BFSP1: variants seen among roughly 807,000 people sequenced by gnomAD.
BFSP1 encodes beaded filament structural protein 1.
A neutral mutation model predicts 43.9 loss-of-function variants in BFSP1; 38 were observed. The ratio of observed to expected loss-of-function variants is 0.87; its 90% CI spans 0.67 to 1.14. The LOEUF is 1.14. BFSP1 is among the 50% of genes most tolerant of loss of function. The pLI is 0.00. For synonymous variants in BFSP1, 352 were observed against 354.8 expected, an observed-to-expected ratio of 0.99 and a Z score of 0.09; for missense variants, 850 against 875.1, an observed-to-expected ratio of 0.97 and a Z score of 0.36.
chr20:17,550,053 A>G (rs1485865110), intron 1 of BFSP1, among the ~76,000 whole-genome samples: 2 of 152,166 alleles, frequency 1.3e-5, no homozygotes, highest in Admixed American at 6.5e-5. Context: ...TTTCCAGGCC[A>G]TGAGGTAGTA....
chr20:17,558,590 G>A (rs537634619), intron 1 of BFSP1: 3 of 1,334,280 alleles, frequency 2.2e-6, no homozygotes, highest in East Asian at 5.0e-5. Context: ...CCCGCTTGCT[G>A]TACCTTCTAC....
intron 1 of BFSP1, 34 bp downstream of exon 1, chr20:17,530,919 C>A: frequency 7.3e-7 from 1 of 1,375,014 alleles, no homozygotes; most frequent in Non-Finnish European, 9.4e-7. Flanking sequence ...CGGCCCACGC[C>A]CTGCCTCGGT....
rs1203274689 is a variant in BFSP1, at chr20:17,525,463, C to G, written c.378-555G>C. On this transcript the variant is annotated intron_variant, in intron 1 of 7. Coordinates refer to ENST00000377873, the MANE Select transcript of BFSP1 (RefSeq NM_001195.5). The surrounding 1 kb of genome is among the most constrained non-coding windows in gnomAD (Gnocchi z 4.2). The stretch of plus-strand genomic sequence containing the variant: ...AGGCAGATGCTCCGCACACTTTTCC[C>G]TCCTCCCAGCAGCATCACTCCCCAC... 6.6e-6 allele frequency among the ~76,000 whole-genome samples: 1 copy of G among 152,196 alleles called. No individual in the cohort carries two copies. The highest frequency in any genetic ancestry group is 1.5e-5 in the Non-Finnish European group (1 of 68,050).
Position 17,531,129 on chromosome 20 carries a change from C to G in BFSP1, c.201G>C (p.Gly67=). 1 of 1,332,028 alleles carries G rather than the reference C, an allele frequency of 7.5e-7. No homozygotes were observed. Among genetic ancestry groups the G allele is most frequent in the Non-Finnish European group, 9.6e-7 (1 of 1,044,292 alleles). The allele number at this position is 1,332,028 out of a possible 1,614,324, so 82.5% of individuals were successfully genotyped here. ...GGAAGGCATCCAGCTGCCTCCGGAG[C>G]CCGGCATGGCGCTGCTCGAGGGCGC... ...RARALEQRHA[G]LRRQLDAFQR... The change falls in exon 1 of 8, where the codon GGG becomes GGC. Residue 67 remains glycine, a synonymous_variant. Transcript: ENST00000377873.
At chr20:17,563,830 G>A (rs1274713382), upstream of BFSP1, among the ~76,000 whole-genome samples, 5 of 149,622 alleles carry the variant, frequency 3.3e-5, no homozygotes, top group African/African-American at 9.9e-5. Context: ...AGGCTGAAGT[G>A]AGCGGTGATC....
intron 5 of BFSP1, among the ~76,000 whole-genome samples, chr20:17,503,310 G>A (rs1333397549): frequency 6.6e-6 from 1 of 152,184 alleles, no homozygotes; most frequent in South Asian, 2.1e-4. Context: ...GATTACAGGC[G>A]TGAGCCATAG....
At chr20:17,547,169 T>A (rs146797929) in intron 1 of BFSP1, among the ~76,000 whole-genome samples, 33 of 151,624 alleles carry the variant, frequency 2.2e-4, no homozygotes, top group African/African-American at 6.0e-4. Flanking sequence ...ACTTTGTCTC[T>A]GTAAAAAATT....
chr20:17,516,924 G>A (rs1485658386), intron 2 of BFSP1: 1 of 719,408 alleles, frequency 1.4e-6, no homozygotes, highest in Non-Finnish European at 2.5e-6. Context: ...AAATATAAAG[G>A]CCAAGACCCA....
upstream of BFSP1, among the ~76,000 whole-genome samples, chr20:17,561,903 A>G (rs2035070118): frequency 6.6e-6 from 1 of 151,952 alleles, no homozygotes; most frequent in African/African-American, 2.4e-5. Flanking sequence ...CTTTCTAGAG[A>G]GAGGTTTTAT....
At chr20:17,504,537 G>C (rs1403225787) in intron 5 of BFSP1, among the ~76,000 whole-genome samples, 1 of 152,184 alleles carries the variant, frequency 6.6e-6, no homozygotes, top group Non-Finnish European at 1.5e-5. Context: ...CTCAGAGGAA[G>C]AAAGGGGCTT....
chr20:17,496,069 A>C (rs1568677688), intron 7 of BFSP1, among the ~76,000 whole-genome samples: 2 of 152,148 alleles, frequency 1.3e-5, no homozygotes, highest in East Asian at 3.9e-4. Context: ...AAAAACCCAC[A>C]AGACCCCTTG....
chr20:17,527,781 A>G (rs1219182085), intron 1 of BFSP1, among the ~76,000 whole-genome samples: 3 of 152,198 alleles, frequency 2.0e-5, no homozygotes, highest in Non-Finnish European at 4.4e-5. Context: ...TTCACTACAA[A>G]GAATTCATGA....
At chr20:17,541,386 T>C (rs889666843) in intron 1 of BFSP1, among the ~76,000 whole-genome samples, 11 of 152,172 alleles carry the variant, frequency 7.2e-5, no homozygotes, top group Non-Finnish European at 1.5e-4. Context: ...ATTCGCTGAT[T>C]GGGCTGTTTC....
In BFSP1 at chr20:17,531,230, C is replaced by A; in HGVS notation, c.100G>T (p.Gly34Cys). 1 of 1,391,106 alleles carries A rather than the reference C, an allele frequency of 7.2e-7. No individual in the cohort carries two copies. Among genetic ancestry groups the A allele is most frequent in the Non-Finnish European group, 9.3e-7 (1 of 1,072,102 alleles). 86.2% of individuals were successfully genotyped at this position (1,391,106 alleles called of 1,614,324 possible). ...GCCAGGCTCGTTGCCCCAGCCCAGC[C>A]CTCGTCGGCCGGGCGCTCGGGCTCG... The part of the protein sequence containing the change: ...AAEPERPADE[G>C]WAGATSLAAL... Residue 34 changes from glycine (G) to cysteine (C), a missense_variant, in exon 1 of 8, where the codon GGC becomes TGC. Physicochemically the swap from Gly to Cys is radical, Grantham distance 159. Transcript: ENST00000377873.
intron 3 of BFSP1, among the ~76,000 whole-genome samples, chr20:17,513,343 G>A (rs1270987058): frequency 6.6e-6 from 1 of 152,144 alleles, no homozygotes; most frequent in African/African-American, 2.4e-5. Flanking sequence ...GGCTGCTCTT[G>A]GGATCCAGTG....
intron 1 of BFSP1, among the ~76,000 whole-genome samples, chr20:17,544,867 T>A (rs1177472723): frequency 6.6e-6 from 1 of 152,184 alleles, no homozygotes; most frequent in African/African-American, 2.4e-5. Context: ...CTGAAACCAA[T>A]CAAGTTTTTA....
At chr20:17,541,885 TG>T (rs1160976336) in intron 1 of BFSP1, among the ~76,000 whole-genome samples, 3 of 152,254 alleles carry the variant, frequency 2.0e-5, no homozygotes, top group African/African-American at 7.2e-5. Context: ...CCTAATTGCA[TG>T]ACTTGGCAAG....
At chr20:17,554,666 A>T (rs1249210193) in intron 1 of BFSP1, among the ~76,000 whole-genome samples, 1 of 152,224 alleles carries the variant, frequency 6.6e-6, no homozygotes, top group African/African-American at 2.4e-5. Context: ...GGAATATTAG[A>T]TGCTTTTCCA....
chr20:17,508,166 C>T (rs1324624501), intron 5 of BFSP1, among the ~76,000 whole-genome samples: 1 of 152,126 alleles, frequency 6.6e-6, no homozygotes, highest in Non-Finnish European at 1.5e-5. Flanking sequence ...GAGAGCCATA[C>T]AAAGGTGCAG....
Sources: gnomAD v4.1 joint callset for allele counts (sites outside exome capture counted in the v4.1 genomes callset) on GRCh38, gnomAD v4.1.1 for gene constraint, Gnocchi (gnomAD v3.1) non-coding constraint, MANE v1.5 for transcripts, NCBI Gene and HGNC (gene_info 2026-07-23, HGNC 2026-07-21) for gene names.